CHST9: variants seen among roughly 807,000 people sequenced by gnomAD.
CHST9 encodes carbohydrate sulfotransferase 9, also known as GalNAc-4-sulfotransferase 2.
A neutral mutation model predicts 44.4 loss-of-function variants in CHST9; 41 were observed. The observed-to-expected ratio is 0.92, with a 90% CI of 0.72 to 1.20. CHST9 has a LOEUF of 1.20. Among genes scored for constraint, CHST9 ranks in the 50% most tolerant of loss-of-function variants. CHST9 has a pLI of 0.00. For synonymous variants in CHST9, 171 were observed against 178.4 expected, an observed-to-expected ratio of 0.96 and a Z score of 0.33; for missense variants, 504 against 516.5, an observed-to-expected ratio of 0.98 and a Z score of 0.23.
chr18:27,151,940 G>A (rs184993574), intron 1 of CHST9, among the ~76,000 whole-genome samples: 1 of 152,256 alleles, frequency 6.6e-6, no homozygotes, highest in East Asian at 1.9e-4. Flanking sequence ...ACAGTACAAT[G>A]CCATTTGCAA....
chr18:26,942,752 G>T (rs2056102628), intron 5 of CHST9, among the ~76,000 whole-genome samples: 1 of 152,234 alleles, frequency 6.6e-6, no homozygotes, highest in Admixed American at 6.5e-5. Context: ...AAACTTTACT[G>T]GCTAACCATT....
intron 4 of CHST9, among the ~76,000 whole-genome samples, chr18:27,008,664 C>A (rs995086886): frequency 6.6e-6 from 1 of 151,926 alleles, no homozygotes; most frequent in East Asian, 1.9e-4. Context: ...GAGTTCCTTG[C>A]GAGGCTAGGA....
chr18:26,953,982 C>A (rs1411128266), intron 4 of CHST9, among the ~76,000 whole-genome samples: 1 of 152,110 alleles, frequency 6.6e-6, no homozygotes, highest in Non-Finnish European at 1.5e-5. Context: ...ATTCCTCTTT[C>A]CTGGGGTGCA....
At chr18:27,050,897 G>A (rs1420969967) in intron 2 of CHST9, among the ~76,000 whole-genome samples, 2 of 152,196 alleles carry the variant, frequency 1.3e-5, no homozygotes, top group Admixed American at 1.3e-4. Flanking sequence ...TTTTTGGAGT[G>A]TCTTTAACCT....
chr18:27,115,829 A>G (rs1226165474), intron 2 of CHST9, among the ~76,000 whole-genome samples: 1 of 152,074 alleles, frequency 6.6e-6, no homozygotes. Flanking sequence ...TTTTTATTTT[A>G]GCCATTCCTA....
chr18:27,049,729 TA>T (rs2057543692), intron 2 of CHST9, among the ~76,000 whole-genome samples: 1 of 152,118 alleles, frequency 6.6e-6, no homozygotes, highest in Admixed American at 6.6e-5. Context: ...GAACATTCTC[TA>T]AGACTGACCA....
chr18:27,024,070 T>C (rs188452272), intron 4 of CHST9, 46 bp downstream of exon 4: 1 of 1,573,314 alleles, frequency 6.4e-7, no homozygotes, highest in East Asian at 2.2e-5. Flanking sequence ...TTGCTCTGCT[T>C]ATCTATAACT....
chr18:26,975,703 GTATATA>G (rs200040193), intron 4 of CHST9, among the ~76,000 whole-genome samples: 5 of 106,876 alleles, frequency 4.7e-5, no homozygotes, highest in East Asian at 2.7e-4. Context: ...ATATATATGT[GTATATA>G]TGTGTGTGTG....
intron 2 of CHST9, among the ~76,000 whole-genome samples, chr18:27,139,244 A>G (rs954936241): frequency 4.6e-5 from 7 of 152,150 alleles, no homozygotes; most frequent in Non-Finnish European, 8.8e-5. Flanking sequence ...ATTCTCATAT[A>G]TAACTGAAAT....
intron 4 of CHST9, among the ~76,000 whole-genome samples, chr18:26,973,737 C>T (rs1482367538): frequency 7.9e-5 from 12 of 152,108 alleles, no homozygotes; most frequent in African/African-American, 2.2e-4. Context: ...AAGTGGGTGC[C>T]GTCACTCTGA....
At chr18:26,955,512 G>A (rs1372857183) in intron 4 of CHST9, among the ~76,000 whole-genome samples, 1 of 152,136 alleles carries the variant, frequency 6.6e-6, no homozygotes, top group African/African-American at 2.4e-5. Flanking sequence ...ACTTTGTGCA[G>A]TGTGTGTAGC....
chr18:27,116,982 T>G (rs1327436680), intron 2 of CHST9, among the ~76,000 whole-genome samples: 1 of 116,136 alleles, frequency 8.6e-6, no homozygotes, highest in Non-Finnish European at 1.8e-5. Flanking sequence ...TTAATTCTAA[T>G]TTTTTTTTTG....
intron 4 of CHST9, among the ~76,000 whole-genome samples, chr18:27,004,397 G>A (rs1397615812): frequency 2.0e-5 from 3 of 151,386 alleles, no homozygotes; most frequent in Non-Finnish European, 4.4e-5. Context: ...TGTGCTTCCA[G>A]TGGTAAAAGG....
rs1156564762 is a variant in CHST9 at position 26,915,388 on chromosome 18, T to C, written c.*871A>G. The C allele has an allele frequency of 6.3e-6, 1 of 157,502 alleles. No individual in the cohort carries two copies. Among genetic ancestry groups the C allele is most frequent in the East Asian group, 1.8e-4 (1 of 5,514 alleles). The allele number at this position is 157,502 out of a possible 1,614,324, so 9.8% of individuals were successfully genotyped here. A position where few individuals can be genotyped will look rare whatever the true frequency, so the allele number is the denominator to read the frequency against. On this transcript the variant is annotated 3_prime_UTR_variant, in exon 6 of 6. Coordinates refer to ENST00000618847, the MANE Select transcript of CHST9 (RefSeq NM_031422.6). The stretch of plus-strand genomic sequence containing the variant: ...TTATAAAACTTTGTTATTGTTTGAG[T>C]TCCATATTCAGAATGGCAACTTTTG...
chr18:27,078,248 C>T (rs972947241), intron 2 of CHST9, among the ~76,000 whole-genome samples: 1 of 152,166 alleles, frequency 6.6e-6, no homozygotes, highest in African/African-American at 2.4e-5. Context: ...AGCCTGCATG[C>T]TAACACATGA....
intron 4 of CHST9, among the ~76,000 whole-genome samples, chr18:27,011,658 C>T (rs188985315): frequency 5.9e-5 from 9 of 152,148 alleles, no homozygotes; most frequent in Non-Finnish European, 4.4e-5. Flanking sequence ...GTTCAGGGAG[C>T]CTTTGAACTT....
rs536684302 is a variant in CHST9 at position 26,955,793 on chromosome 18, C to A, written c.203-11427G>T. Reference sequence around the variant, plus strand: ...GTCATGTACAACTCAGGAAAGAAGGCAGGAGCTCAGCTGCTGGGGGCCTGA... The same window carrying A: ...GTCATGTACAACTCAGGAAAGAAGGAAGGAGCTCAGCTGCTGGGGGCCTGA... On this transcript the variant is annotated intron_variant, in intron 4 of 5. Coordinates refer to ENST00000618847, the MANE Select transcript of CHST9 (RefSeq NM_031422.6). 2.6e-5 allele frequency among the ~76,000 whole-genome samples: 4 copies of A among 152,202 alleles called. No homozygotes were observed. In the East Asian group the frequency reaches 7.7e-4, roughly 29 times the overall value.
chr18:27,040,413 T>G (rs191862676), intron 3 of CHST9, among the ~76,000 whole-genome samples: 1 of 152,136 alleles, frequency 6.6e-6, no homozygotes, highest in East Asian at 1.9e-4. Context: ...GTGAATTAAT[T>G]AATCAGATCA....
intron 4 of CHST9, among the ~76,000 whole-genome samples, chr18:26,961,700 T>C (rs1377284760): frequency 6.6e-6 from 1 of 152,254 alleles, no homozygotes; most frequent in Non-Finnish European, 1.5e-5. Flanking sequence ...AGTGTTGGAA[T>C]TGCAGGTGAA....
Sources: allele counts gnomAD v4.1 joint callset (sites outside exome capture counted in the v4.1 genomes callset), GRCh38; gene constraint gnomAD v4.1.1; transcripts MANE v1.5; gene names NCBI Gene and HGNC (gene_info 2026-07-23, HGNC 2026-07-21).